The following WDR11 variants were observed in gnomAD, a reference collection of about 807,000 sequenced individuals.
WDR11 encodes the protein WD repeat-containing protein 11.
WDR11 carries 83 observed loss-of-function variants against 151.2 expected under a neutral mutation model. That is an observed-to-expected ratio of 0.55 (90% CI 0.46 to 0.66). WDR11 has a LOEUF of 0.66. Among genes scored for constraint, WDR11 ranks in the 30% least tolerant of loss-of-function variants. The pLI is 0.00. For missense variants in WDR11, 1,301 were observed against 1,480.9 expected, an observed-to-expected ratio of 0.88 and a Z score of 1.99; for synonymous variants, 484 against 533.1, an observed-to-expected ratio of 0.91 and a Z score of 1.27.
At position 120,889,902 on chromosome 10, in the gene WDR11, C is replaced by T; in HGVS notation, c.2236C>T (p.Pro746Ser). ...TTGTTTCTTTGTCTTCAGAGGAATA[C>T]CCACACACCGAAGTTGGGTGAGGAA... ...DLKGRVSRGI[P>S]THRSWVRKIR... Residue 746 changes from proline (P) to serine (S), a missense_variant, in exon 18 of 29, where the codon CCC becomes TCC. Coordinates refer to ENST00000263461, the MANE Select transcript of WDR11 (RefSeq NM_018117.12). 1 of 1,612,494 alleles carries T rather than the reference C, an allele frequency of 6.2e-7. No homozygotes were observed. The highest frequency in any genetic ancestry group is 8.5e-7 in the Non-Finnish European group (1 of 1,178,566).
intron 14 of WDR11, chr10:120,884,890 G>C (rs1847161025): frequency 6.6e-6 from 1 of 152,212 alleles, no homozygotes; most frequent in South Asian, 2.1e-4. Flanking sequence ...TTCAAACCAT[G>C]ATATGGATCT....
rs746717867 is a variant in WDR11, at chr10:120,866,709, A to G, written c.1135A>G (p.Arg379Gly). The change falls in exon 8 of 29, where the codon AGG becomes GGG. Residue 379 changes from arginine (R) to glycine (G), a missense_variant. By Grantham distance (125) the Arg-to-Gly change is moderately radical. Transcript: ENST00000263461. ...AGCCGCCCTCGTAGTGAGTGATGGC[A>G]GGGTCATGATATGGGAACTCAAGTC... ...NAAALVVSDGRVMIWELKSAV... is the reference protein window; with the variant it reads ...NAAALVVSDGGVMIWELKSAV... 2 of 1,614,184 alleles carry G rather than the reference A, an allele frequency of 1.2e-6. No individual in the cohort carries two copies. The highest frequency in any genetic ancestry group is 2.2e-5 in the South Asian group (2 of 91,078).
At chr10:120,878,577 A>G in intron 12 of WDR11, 118 bp downstream of exon 12, 2 of 762,778 alleles carry the variant, frequency 2.6e-6, no homozygotes, top group South Asian at 1.7e-5. Flanking sequence ...TCATGCTTAT[A>G]TATTTATTCT....
intron 19 of WDR11, among the ~76,000 whole-genome samples, chr10:120,898,053 G>T (rs1734247737): frequency 6.6e-6 from 1 of 152,086 alleles, no homozygotes; most frequent in African/African-American, 2.4e-5. Context: ...AGCCACATAG[G>T]TAAGCTTAAA....
At chr10:120,854,145 A>G (rs1845871194) in intron 2 of WDR11, among the ~76,000 whole-genome samples, 2 of 152,196 alleles carry the variant, frequency 1.3e-5, no homozygotes, top group Admixed American at 1.3e-4. Flanking sequence ...TTTTACCTCA[A>G]AAAGAAACCC....
chr10:120,901,034 A>G lies in WDR11; in HGVS notation c.2625-2A>G. 6.2e-7 allele frequency: 1 copy of G among 1,610,168 alleles called. No homozygotes were observed. The highest frequency in any genetic ancestry group is 8.5e-7 in the Non-Finnish European group (1 of 1,176,572). On this transcript the variant is annotated splice_acceptor_variant, in intron 20 of 28. Transcript: ENST00000263461. LOFTEE classifies it high-confidence loss of function. Reference sequence around the variant, plus strand: ...AACTCATTCAAAATTTTTTCTTTACAGTGACTATCCAGAAAATGAAGAAAT... The same window carrying G: ...AACTCATTCAAAATTTTTTCTTTACGGTGACTATCCAGAAAATGAAGAAAT...
intron 20 of WDR11, among the ~76,000 whole-genome samples, chr10:120,900,622 G>A (rs574639589): frequency 6.6e-6 from 1 of 152,214 alleles, no homozygotes; most frequent in Non-Finnish European, 1.5e-5. Flanking sequence ...CACGGATGGA[G>A]GATTTAAAAA....
At chr10:120,887,930 TTAATATTTTTTTTTATTAA>T (rs1847277577) in intron 16 of WDR11, among the ~76,000 whole-genome samples, 1 of 99,314 alleles carries the variant, frequency 1.0e-5, no homozygotes, top group Non-Finnish European at 2.2e-5. Flanking sequence ...TTTCATTTCT[TTAATATTTTTTTTTATTAA>T]TGGACTTTAT....
At chr10:120,865,286 A>T (rs1051123800) in intron 6 of WDR11, 74 bp downstream of exon 6, 15 of 1,444,054 alleles carry the variant, frequency 1.0e-5, no homozygotes, top group African/African-American at 1.4e-5. Flanking sequence ...ATAATCTTGC[A>T]TAAGTCTTGT....
chr10:120,863,653 A>G (rs1242172839), intron 5 of WDR11, among the ~76,000 whole-genome samples: 3 of 152,110 alleles, frequency 2.0e-5, no homozygotes, highest in African/African-American at 7.2e-5. Flanking sequence ...AATAATCTGT[A>G]TATTATTGCT....
chr10:120,865,215 A>G lies in WDR11; in HGVS notation c.879+3A>G, dbSNP rs749600371. 61 of 1,613,442 alleles carry G rather than the reference A, an allele frequency of 3.8e-5. No individual in the cohort carries two copies. Among genetic ancestry groups the G allele is most frequent in the Non-Finnish European group, 4.3e-5 (51 of 1,179,534 alleles). ...GCACAGGAGTTCCATTTTTACAGGTATCTACAATTCATAAATTATATTCCC... is the reference window on the plus strand; with the variant it reads ...GCACAGGAGTTCCATTTTTACAGGTGTCTACAATTCATAAATTATATTCCC... On this transcript the variant is annotated splice_donor_region_variant and intron_variant, in intron 6 of 28. Transcript: ENST00000263461.
chr10:120,854,578 T>C (rs1362847090), intron 2 of WDR11, among the ~76,000 whole-genome samples: 4 of 152,226 alleles, frequency 2.6e-5, no homozygotes, highest in African/African-American at 4.8e-5. Flanking sequence ...TTTGAGGAAC[T>C]GCTGGACTGT....
At chr10:120,893,929 GA>G (rs1847513504) in intron 19 of WDR11, among the ~76,000 whole-genome samples, 1 of 152,114 alleles carries the variant, frequency 6.6e-6, no homozygotes, top group African/African-American at 2.4e-5. Context: ...TTCGTCAGAT[GA>G]GTAGGTTGCA....
At chr10:120,882,108 T>C (rs1847028173) in intron 13 of WDR11, among the ~76,000 whole-genome samples, 1 of 152,076 alleles carries the variant, frequency 6.6e-6, no homozygotes. Flanking sequence ...TATCATCATA[T>C]GGTGTGTGTG....
chr10:120,900,171 T>A lies in WDR11; in HGVS notation c.2624+34T>A, dbSNP rs773622921. 1.1e-5 allele frequency: 17 copies of A among 1,563,574 alleles called. No individual in the cohort carries two copies. In the East Asian group the frequency reaches 2.5e-4, roughly 23 times the overall value. On this transcript the variant is annotated intron_variant, in intron 20 of 28. Transcript: ENST00000263461. Reference sequence around the variant, plus strand: ...TTCACTTTTCTTTTTCTTTCATAATTTACTTGGGGTTGAAAGACACCCATG... The same window carrying A: ...TTCACTTTTCTTTTTCTTTCATAATATACTTGGGGTTGAAAGACACCCATG...
chr10:120,905,490 T>G (rs558007172), intron 26 of WDR11, 74 bp downstream of exon 26: 9 of 1,525,160 alleles, frequency 5.9e-6, no homozygotes, highest in East Asian at 4.5e-5. Flanking sequence ...TTTGGACTTA[T>G]GACTTAGAAA....
At position 120,880,870 on chromosome 10, in the gene WDR11, G is replaced by A. The variant is rs893455923; in HGVS notation, c.1708G>A (p.Ala570Thr). Residue 570 changes from alanine (A) to threonine (T), a missense_variant, in exon 13 of 29, where the codon GCC becomes ACC. Around this residue, in one of 3 missense-constraint regions of WDR11, gnomAD observed 692 missense variants for 762.5 expected, o/e 0.91. Transcript: ENST00000263461. ...FRGERGNDES[A>T]IEMIKVSHLK... ...TGGTGAAAGAGGCAATGATGAATCTGCCATCGAAATGATTAAAGTATCTCA... is the reference window on the plus strand; with the variant it reads ...TGGTGAAAGAGGCAATGATGAATCTACCATCGAAATGATTAAAGTATCTCA... The A allele has an allele frequency of 8.7e-6, 14 of 1,603,984 alleles. No individual in the cohort carries two copies. The highest frequency in any genetic ancestry group is 1.2e-5 in the Non-Finnish European group (14 of 1,173,726).
chr10:120,873,552 T>G lies in WDR11; in HGVS notation c.1472-287T>G, dbSNP rs545425580. Reference sequence around the variant, plus strand: ...GTGTATAAAAGCTTAGGAAAGTGTTTCTTCAAATTGTATGTGTATTAATGT... The same window carrying G: ...GTGTATAAAAGCTTAGGAAAGTGTTGCTTCAAATTGTATGTGTATTAATGT... On this transcript the variant is annotated intron_variant, in intron 10 of 28. Transcript: ENST00000263461. Among the ~76,000 whole-genome samples, 60 of 152,356 alleles carry G rather than the reference T, an allele frequency of 3.9e-4. No homozygotes were observed. In the South Asian group the frequency reaches 0.012, roughly 30 times the overall value.
At chr10:120,890,249 G>C (rs1045568046) in intron 18 of WDR11, among the ~76,000 whole-genome samples, 1 of 151,646 alleles carries the variant, frequency 6.6e-6, no homozygotes, top group African/African-American at 2.4e-5. Flanking sequence ...TTTCACTCTT[G>C]TCGCCCAGGC....
Sources: allele counts gnomAD v4.1 joint callset (sites outside exome capture counted in the v4.1 genomes callset), GRCh38; gene constraint gnomAD v4.1.1; regional missense constraint gnomAD v4.1.1; transcripts MANE v1.5; gene names NCBI Gene and HGNC (gene_info 2026-07-23, HGNC 2026-07-21).